The following TSC22D1 variants were observed in gnomAD, a reference collection of about 807,000 sequenced individuals.
TSC22D1 encodes TSC22 domain family protein 1.
TSC22D1 carries 9 observed loss-of-function variants against 74.2 expected under a neutral mutation model. That is an observed-to-expected ratio of 0.12 (90% CI 0.07 to 0.21). TSC22D1 has a LOEUF of 0.21. Ranked by LOEUF, TSC22D1 falls within the 10% of genes least tolerant of loss-of-function variation. TSC22D1 has a pLI of 1.00. For synonymous variants in TSC22D1, 586 were observed against 492.5 expected, an observed-to-expected ratio of 1.19 and a Z score of -2.51; for missense variants, 1,427 against 1,304.7, an observed-to-expected ratio of 1.09 and a Z score of -1.44.
chr13:44,526,438 C>A, intron 1 of TSC22D1, among the ~76,000 whole-genome samples: 1 of 149,424 alleles, frequency 6.7e-6, no homozygotes, highest in Admixed American at 6.7e-5. Flanking sequence ...TCAGTGAGCT[C>A]AAAGATACGT....
chr13:44,536,971 A>C (rs533201108), intron 1 of TSC22D1: 3 of 971,050 alleles, frequency 3.1e-6, no homozygotes, highest in East Asian at 1.1e-4. Context: ...AAAAAAAACT[A>C]ACACACAGAA....
At chr13:44,560,178 CCAGCACTT>C (rs1399400561) in intron 1 of TSC22D1, among the ~76,000 whole-genome samples, 1 of 151,996 alleles carries the variant, frequency 6.6e-6, no homozygotes, top group Non-Finnish European at 1.5e-5. Context: ...GCCTGTAATC[CCAGCACTT>C]TGAGAGGCTG....
At chr13:44,512,416 G>A (rs368617878) in intron 1 of TSC22D1, among the ~76,000 whole-genome samples, 17 of 152,026 alleles carry the variant, frequency 1.1e-4, no homozygotes, top group East Asian at 7.8e-4. Context: ...TGATCCGCCC[G>A]CCTCGGCCTC....
rs1880109379 is a variant in TSC22D1, at chr13:44,517,847, ATATATATATATTTTTTTTTTT to A, written c.2912+55295_2912+55315del. On this transcript the variant is annotated intron_variant, in intron 1 of 2. Transcript: ENST00000458659. ...TGTGTGTGTATATATATATATATAT[ATATATATATATTTTTTTTTTT>A]TTTTTTTTTTTAACAAGGTCTCACT... is the stretch of plus-strand genomic sequence containing the variant. Among the ~76,000 whole-genome samples the A allele has an allele frequency of 1.2e-4, 3 of 24,066 alleles. No individual in the cohort carries two copies. The South Asian group carries it at 3.4e-3, about 27-fold the overall frequency. The allele number at this position is 24,066 out of a possible 152,430, so 15.8% of individuals were successfully genotyped here.
At chr13:44,538,269 TTC>T in intron 1 of TSC22D1, 2 of 985,346 alleles carry the variant, frequency 2.0e-6, no homozygotes, top group Non-Finnish European at 2.4e-6. Flanking sequence ...TTTCTTCTAC[TTC>T]TCTATTAGAA....
At chr13:44,528,063 T>C (rs1880637444) in intron 1 of TSC22D1, among the ~76,000 whole-genome samples, 1 of 151,898 alleles carries the variant, frequency 6.6e-6, no homozygotes, top group East Asian at 1.9e-4. Flanking sequence ...CTGATAGAAA[T>C]GTAAGGAGGA....
intron 1 of TSC22D1, chr13:44,437,207 C>T: frequency 2.0e-6 from 2 of 985,566 alleles, no homozygotes; most frequent in Non-Finnish European, 2.4e-6. Context: ...GTCCCCGGAG[C>T]TGTGTCCCGC....
rs1883998929 is a variant in TSC22D1 at position 44,574,095 on chromosome 13, C to T, written c.1980G>A (p.Gln660=). 1.2e-6 allele frequency: 2 copies of T among 1,614,130 alleles called. No individual in the cohort carries two copies. The highest frequency in any genetic ancestry group is 1.3e-5 in the African/African-American group (1 of 74,948). Residue 660 remains glutamine (Q), a synonymous_variant, in exon 1 of 3, where the codon CAG becomes CAA. Transcript: ENST00000458659. ...QNPASEYVQQ[Q]PILQTAMSSG... ...AGGACATTGCTGTTTGAAGAATTGGCTGCTGTTGTACATACTCTGAAGCAG... is the reference window on the plus strand; with the variant it reads ...AGGACATTGCTGTTTGAAGAATTGGTTGCTGTTGTACATACTCTGAAGCAG...
chr13:44,501,251 G>C (rs1879208788), intron 1 of TSC22D1, among the ~76,000 whole-genome samples: 2 of 152,182 alleles, frequency 1.3e-5, no homozygotes, highest in Non-Finnish European at 2.9e-5. Context: ...TGGCTGGTTT[G>C]AGGGAAGTTC....
chr13:44,434,281 G>C lies in TSC22D1; in HGVS notation c.*345C>G. On this transcript the variant is annotated 3_prime_UTR_variant, in exon 3 of 3. Coordinates refer to ENST00000458659, the MANE Select transcript of TSC22D1 (RefSeq NM_183422.4). The stretch of plus-strand genomic sequence containing the variant: ...TAGGACACTAAGCGCAAGCAGGAGA[G>C]AGAACCCTTGGAAGTGAGGGGTAGG... 1.4e-6 allele frequency: 2 copies of C among 1,386,602 alleles called. No homozygotes were observed. The highest frequency in any genetic ancestry group is 1.8e-6 in the Non-Finnish European group (2 of 1,081,274). 85.9% of individuals were successfully genotyped at this position (1,386,602 alleles called of 1,614,324 possible). A position where few individuals can be genotyped will look rare whatever the true frequency, so the allele number is the denominator to read the frequency against.
At chr13:44,457,891 A>G (rs949942031) in intron 1 of TSC22D1, among the ~76,000 whole-genome samples, 4 of 152,220 alleles carry the variant, frequency 2.6e-5, no homozygotes, top group Non-Finnish European at 1.5e-5. Context: ...GTGGCTATAT[A>G]TTGGGTCAAA....
At chr13:44,441,702 G>A (rs1039904735) in intron 1 of TSC22D1, among the ~76,000 whole-genome samples, 2 of 152,146 alleles carry the variant, frequency 1.3e-5, no homozygotes, top group African/African-American at 4.8e-5. Flanking sequence ...TGAAAAAAGA[G>A]AACTGCTATT....
At chr13:44,547,894 ATCC>A (rs1468315548) in intron 1 of TSC22D1, among the ~76,000 whole-genome samples, 1 of 152,140 alleles carries the variant, frequency 6.6e-6, no homozygotes, top group Admixed American at 6.5e-5. Flanking sequence ...GGCTCAAGCA[ATCC>A]TCCTGTCTCA....
intron 1 of TSC22D1, among the ~76,000 whole-genome samples, chr13:44,505,640 G>A (rs1019074111): frequency 1.3e-5 from 2 of 152,268 alleles, no homozygotes; most frequent in Admixed American, 1.3e-4. Context: ...AACATATTCT[G>A]CTATTAAATT....
chr13:44,436,815 A>G (rs1874695621), intron 1 of TSC22D1: 1 of 1,381,858 alleles, frequency 7.2e-7, no homozygotes, highest in African/African-American at 1.5e-5. Context: ...TGCCGTGAAG[A>G]GGCGCTTCCC....
At chr13:44,557,874 T>C (rs1437044707) in intron 1 of TSC22D1, among the ~76,000 whole-genome samples, 1 of 152,200 alleles carries the variant, frequency 6.6e-6, no homozygotes, top group Non-Finnish European at 1.5e-5. Flanking sequence ...TGTCTCCATA[T>C]TCACTTATTT....
chr13:44,434,162 T>G lies in TSC22D1; in HGVS notation c.*464A>C, dbSNP rs943535806. ...TACAGTGAACTCTGTTCCCCCTCATTTTAGTCTTTTTACCCTCCTTTCAAG... is the reference window on the plus strand; with the variant it reads ...TACAGTGAACTCTGTTCCCCCTCATGTTAGTCTTTTTACCCTCCTTTCAAG... On this transcript the variant is annotated 3_prime_UTR_variant, in exon 3 of 3. Transcript: ENST00000458659. 31 of 1,478,530 alleles carry G rather than the reference T, an allele frequency of 2.1e-5. No homozygotes were observed. Among genetic ancestry groups the G allele is most frequent in the Non-Finnish European group, 2.7e-5 (31 of 1,129,268 alleles). 91.6% of individuals were successfully genotyped at this position (1,478,530 alleles called of 1,614,324 possible). A position where few individuals can be genotyped will look rare whatever the true frequency, so the allele number is the denominator to read the frequency against.
At chr13:44,517,853 A>ATTT (rs1438542551) in intron 1 of TSC22D1, among the ~76,000 whole-genome samples, 3 of 23,260 alleles carry the variant, frequency 1.3e-4, no homozygotes, top group Non-Finnish European at 3.7e-4. Context: ...ATATATATAT[A>ATTT]TATATTTTTT....
At chr13:44,556,018 C>G (rs1292753288) in intron 1 of TSC22D1, among the ~76,000 whole-genome samples, 2 of 151,914 alleles carry the variant, frequency 1.3e-5, no homozygotes, top group Non-Finnish European at 2.9e-5. Flanking sequence ...CTATTTCATA[C>G]TGGCAGAAAG....
Sources: allele counts gnomAD v4.1 joint callset (sites outside exome capture counted in the v4.1 genomes callset), GRCh38; gene constraint gnomAD v4.1.1; transcripts MANE v1.5; gene names NCBI Gene and HGNC (gene_info 2026-07-23, HGNC 2026-07-21).